The following FAM184A variants were observed in gnomAD, a reference collection of about 807,000 sequenced individuals.
FAM184A encodes the protein family with sequence similarity 184 member A, also known as protein FAM184A.
Under a neutral mutation model 143.8 loss-of-function variants are expected in FAM184A, and 99 were observed. The ratio of observed to expected loss-of-function variants is 0.69; its 90% CI spans 0.58 to 0.81. The LOEUF (loss-of-function observed/expected upper bound fraction) is 0.81. FAM184A is among the 40% of genes least tolerant of loss of function. The probability of loss-of-function intolerance (pLI) is 0.00; values close to 1 mark genes in which losing one functional copy is unlikely to be tolerated. For missense variants in FAM184A, 1,217 were observed against 1,310.5 expected (o/e 0.93, Z 1.10); for synonymous variants, 427 against 446.4 (o/e 0.96, Z 0.55).
chr6:119,050,856 T>A (rs1371957421), intron 1 of FAM184A, among the ~76,000 whole-genome samples: 3 of 149,984 alleles, frequency 2.0e-5, no homozygotes, highest in African/African-American at 7.3e-5. Context: ...AGAATATGGA[T>A]AGAGCTGGAG....
intron 1 of FAM184A, among the ~76,000 whole-genome samples, chr6:119,038,192 C>T (rs1786183486): frequency 6.6e-6 from 1 of 152,110 alleles, no homozygotes; most frequent in Admixed American, 6.5e-5. Flanking sequence ...ATCTCTCCTA[C>T]ACTAGTAAAA....
intron 1 of FAM184A, among the ~76,000 whole-genome samples, chr6:119,122,153 G>A (rs2114862952): frequency 1.3e-5 from 2 of 152,232 alleles, no homozygotes; most frequent in African/African-American, 4.8e-5. Context: ...TCTCTGTGGG[G>A]ATATAGATCT....
chr6:119,066,582 G>A (rs185670013), intron 1 of FAM184A, among the ~76,000 whole-genome samples: 9 of 152,320 alleles, frequency 5.9e-5, no homozygotes, highest in Admixed American at 5.9e-4. Flanking sequence ...AGAATAGAGA[G>A]AGCAAATAGC....
chr6:119,021,934 C>A (rs141604236), intron 3 of FAM184A, among the ~76,000 whole-genome samples: 1 of 152,050 alleles, frequency 6.6e-6, no homozygotes, highest in East Asian at 1.9e-4. Flanking sequence ...TGTGTTCATG[C>A]CACTGCACTC....
chr6:118,995,225 T>C (rs1247448865), intron 9 of FAM184A, among the ~76,000 whole-genome samples: 1 of 152,126 alleles, frequency 6.6e-6, no homozygotes, highest in Non-Finnish European at 1.5e-5. Flanking sequence ...GAGACCAGCC[T>C]GGGTAACATG....
intron 1 of FAM184A, among the ~76,000 whole-genome samples, chr6:119,129,969 CA>C (rs1184721787): frequency 6.6e-6 from 1 of 152,138 alleles, no homozygotes; most frequent in Non-Finnish European, 1.5e-5. Context: ...TTAAGCCCAC[CA>C]GGGGCAGGGA....
intron 5 of FAM184A, among the ~76,000 whole-genome samples, chr6:119,015,735 A>AG (rs1290308373): frequency 6.6e-6 from 1 of 152,238 alleles, no homozygotes; most frequent in Non-Finnish European, 1.5e-5. Flanking sequence ...ACTGGCAGGC[A>AG]GCTCCACCTG....
chr6:118,970,686 T>C (rs1783669176), intron 14 of FAM184A, among the ~76,000 whole-genome samples: 1 of 152,056 alleles, frequency 6.6e-6, no homozygotes, highest in South Asian at 2.1e-4. Context: ...AGCCTTTTAC[T>C]CAAATTTTAC....
At chr6:119,023,924 A>G in intron 2 of FAM184A, 35 bp downstream of exon 2, 3 of 1,504,694 alleles carry the variant, frequency 2.0e-6, no homozygotes, top group Non-Finnish European at 2.7e-6. Context: ...AAAAGAAAAA[A>G]AATCCATGTG....
At chr6:119,137,938 C>T (rs1772079666) in intron 1 of FAM184A, among the ~76,000 whole-genome samples, 1 of 152,182 alleles carries the variant, frequency 6.6e-6, no homozygotes, top group Non-Finnish European at 1.5e-5. Flanking sequence ...CTTAGCAAGG[C>T]CGGGTGGAAT....
intron 1 of FAM184A, among the ~76,000 whole-genome samples, chr6:119,067,076 A>AT (rs931102884): frequency 5.9e-5 from 9 of 152,216 alleles, no homozygotes; most frequent in East Asian, 1.9e-4. Flanking sequence ...TCATTTACAT[A>AT]TTTTTTTTCC....
At chr6:119,004,806 G>A (rs1445477871) in intron 7 of FAM184A, among the ~76,000 whole-genome samples, 2 of 152,182 alleles carry the variant, frequency 1.3e-5, no homozygotes. Context: ...CTGGACAGAA[G>A]TACGATGTAA....
chr6:119,072,767 T>C (rs1414825552), intron 1 of FAM184A, among the ~76,000 whole-genome samples: 1 of 152,098 alleles, frequency 6.6e-6, no homozygotes, highest in African/African-American at 2.4e-5. Flanking sequence ...CAAAAATACA[T>C]TAAGAAATAA....
chr6:119,017,044 G>T, intron 4 of FAM184A, 100 bp from the exon 5 acceptor site: 1 of 729,760 alleles, frequency 1.4e-6, no homozygotes, highest in Non-Finnish European at 2.3e-6. Context: ...TGAATAAACT[G>T]AGTGCTACGG....
chr6:118,984,325 C>T (rs566549905), intron 9 of FAM184A, among the ~76,000 whole-genome samples: 2 of 150,962 alleles, frequency 1.3e-5, no homozygotes, highest in African/African-American at 4.9e-5. Flanking sequence ...GTAGCTGGGA[C>T]CGCAGACATG....
At chr6:119,065,740 A>G (rs562869337) in intron 1 of FAM184A, among the ~76,000 whole-genome samples, 21 of 152,208 alleles carry the variant, frequency 1.4e-4, no homozygotes, top group Non-Finnish European at 2.9e-4. Flanking sequence ...AGATTTCTCA[A>G]ATCTCCTCCT....
intron 6 of FAM184A, 81 bp from the exon 7 acceptor site, chr6:119,006,689 T>C: frequency 1.7e-6 from 2 of 1,147,552 alleles, no homozygotes; most frequent in South Asian, 4.2e-5. Context: ...CCTAAAGTTT[T>C]TTATTTAGTT....
intron 1 of FAM184A, among the ~76,000 whole-genome samples, chr6:119,138,910 G>A (rs1772114019): frequency 6.6e-6 from 1 of 152,142 alleles, no homozygotes; most frequent in African/African-American, 2.4e-5. Flanking sequence ...ACAGGCATGA[G>A]CCACCGCACC....
intron 1 of FAM184A, among the ~76,000 whole-genome samples, chr6:119,087,349 G>A (rs540221976): frequency 6.6e-6 from 1 of 152,208 alleles, no homozygotes; most frequent in African/African-American, 2.4e-5. Context: ...TTCTGATAAA[G>A]GATTAATATC....
Sources: gnomAD v4.1 joint callset for allele counts (sites outside exome capture counted in the v4.1 genomes callset) on GRCh38, gnomAD v4.1.1 for gene constraint, MANE v1.5 for transcripts, NCBI Gene and HGNC (gene_info 2026-07-23, HGNC 2026-07-21) for gene names.